Variants in FSTL4 observed in about 807,000 individuals in gnomAD.
FSTL4 encodes the protein follistatin like 4, also known as follistatin-related protein 4.
In FSTL4, 28 loss-of-function variants were observed where a neutral mutation model predicts 78.2. The ratio of observed to expected loss-of-function variants is 0.36; its 90% confidence interval spans 0.27 to 0.49. The LOEUF (loss-of-function observed/expected upper bound fraction) is 0.49, where lower values mean the gene tolerates loss of function less well. Among genes scored for constraint, FSTL4 ranks in the 20% least tolerant of loss-of-function variants. The pLI, the probability that FSTL4 is intolerant of heterozygous loss-of-function variation, is 0.98. For synonymous variants in FSTL4, 422 were observed against 440.5 expected, an observed-to-expected ratio of 0.96 and a Z score of 0.53; for missense variants, 922 against 1,084.9, an observed-to-expected ratio of 0.85 and a Z score of 2.11.
the FSTL4 span, among the ~76,000 whole-genome samples, chr5:133,644,862 G>C: frequency 6.6e-6 from 1 of 152,086 alleles, no homozygotes. Flanking sequence ...TACACCAGTA[G>C]ATCAGAGGCT....
chr5:133,223,554 C>A (rs1751228358), intron 11 of FSTL4, among the ~76,000 whole-genome samples: 1 of 152,108 alleles, frequency 6.6e-6, no homozygotes, highest in Non-Finnish European at 1.5e-5. Context: ...GGGCATGCAC[C>A]TGCACCCCAC....
intron 3 of FSTL4, among the ~76,000 whole-genome samples, chr5:133,455,977 T>C (rs1282528214): frequency 6.6e-6 from 1 of 152,228 alleles, no homozygotes; most frequent in Non-Finnish European, 1.5e-5. Flanking sequence ...CGCCGAATAC[T>C]TCTAGGTTCC....
intron 3 of FSTL4, among the ~76,000 whole-genome samples, chr5:133,445,786 T>G (rs1172688288): frequency 6.6e-6 from 1 of 152,074 alleles, no homozygotes; most frequent in African/African-American, 2.4e-5. Flanking sequence ...CAGAGAGAAA[T>G]TCTTGGGGAT....
intron 2 of FSTL4, among the ~76,000 whole-genome samples, chr5:133,569,150 T>C (rs1760095112): frequency 6.6e-6 from 1 of 152,212 alleles, no homozygotes; most frequent in African/African-American, 2.4e-5. Context: ...TTACTGTTTG[T>C]AATAGTTTTT....
chr5:133,293,224 G>A (rs889113669), intron 6 of FSTL4, among the ~76,000 whole-genome samples: 1 of 152,162 alleles, frequency 6.6e-6, no homozygotes, highest in African/African-American at 2.4e-5. Flanking sequence ...TCTCCCAACC[G>A]CCACCCCACG....
chr5:133,197,558 T>C lies in FSTL4; in HGVS notation c.*1537A>G, dbSNP rs1347137618. On this transcript the variant is annotated 3_prime_UTR_variant, in exon 16 of 16. Transcript: ENST00000265342. ...GCAGTCAGGCAGGAGTGAAAGGAGCTGTGTGTGTTGAGAGTGACACAGAGT... is the reference window on the plus strand; with the variant it reads ...GCAGTCAGGCAGGAGTGAAAGGAGCCGTGTGTGTTGAGAGTGACACAGAGT... 1 of 152,398 alleles carries C rather than the reference T, an allele frequency of 6.6e-6. No homozygotes were observed. The highest frequency in any genetic ancestry group is 1.5e-5 in the Non-Finnish European group (1 of 68,148). 9.4% of individuals were successfully genotyped at this position (152,398 alleles called of 1,614,324 possible).
At position 133,405,029 on chromosome 5, in the gene FSTL4, T is replaced by G. The variant is rs371984977; in HGVS notation, c.161-4043A>C. ...GCTGGCACGTTCTTCCCAACACAGC[T>G]TTTCTGTGTCTCAGACCTCATCTCC... On this transcript the variant is annotated intron_variant, in intron 3 of 15. Coordinates refer to ENST00000265342, the MANE Select transcript of FSTL4 (RefSeq NM_015082.2). Among the ~76,000 whole-genome samples, 38 of 152,338 alleles carry G rather than the reference T, an allele frequency of 2.5e-4. No individual in the cohort carries two copies. The East Asian group carries it at 4.6e-3, about 19-fold the overall frequency.
intron 4 of FSTL4, among the ~76,000 whole-genome samples, chr5:133,398,724 T>C (rs1298141328): frequency 6.6e-6 from 1 of 151,998 alleles, no homozygotes; most frequent in Non-Finnish European, 1.5e-5. Flanking sequence ...CATTTTACAG[T>C]CGAGGAAAAG....
the FSTL4 span, among the ~76,000 whole-genome samples, chr5:133,818,947 G>GATATATA: frequency 7.2e-5 from 1 of 13,978 alleles, no homozygotes; most frequent in Non-Finnish European, 1.9e-4. Flanking sequence ...ATATATATAT[G>GATATATA]TACACACACA....
the FSTL4 span, among the ~76,000 whole-genome samples, chr5:133,648,170 T>G: frequency 6.6e-6 from 1 of 152,216 alleles, no homozygotes; most frequent in Non-Finnish European, 1.5e-5. Context: ...GGAAATGGAC[T>G]AATACAGGAA....
At chr5:133,336,742 GTCTT>G (rs1384533767) in intron 4 of FSTL4, among the ~76,000 whole-genome samples, 1 of 152,164 alleles carries the variant, frequency 6.6e-6, no homozygotes, top group South Asian at 2.1e-4. Flanking sequence ...CTGTGTGCCT[GTCTT>G]TCTATTGAGC....
At chr5:133,656,619 C>T in the FSTL4 span, among the ~76,000 whole-genome samples, 3 of 152,160 alleles carry the variant, frequency 2.0e-5, no homozygotes, top group South Asian at 6.2e-4. Flanking sequence ...GCTTGGTGTG[C>T]TCAAGGAGCA....
intron 2 of FSTL4, among the ~76,000 whole-genome samples, chr5:133,598,049 T>A (rs1321195871): frequency 6.6e-6 from 1 of 152,114 alleles, no homozygotes; most frequent in African/African-American, 2.4e-5. Context: ...ACCAAGGTTG[T>A]TTAAGTTCAT....
rs543291988 is a variant in FSTL4, at chr5:133,382,076, C to T, written c.409+18662G>A. 5.9e-5 allele frequency among the ~76,000 whole-genome samples: 9 copies of T among 152,316 alleles called. No homozygotes were observed. In the East Asian group the frequency reaches 1.5e-3, roughly 26 times the overall value. Reference sequence around the variant, plus strand: ...CACTTCCTCCCGGTCATCTCAGAGCCCAGACCATGGTGGGCTCAGCAGGGT... The same window carrying T: ...CACTTCCTCCCGGTCATCTCAGAGCTCAGACCATGGTGGGCTCAGCAGGGT... On this transcript the variant is annotated intron_variant, in intron 4 of 15. Coordinates refer to ENST00000265342, the MANE Select transcript of FSTL4 (RefSeq NM_015082.2).
At chr5:133,811,734 C>T in the FSTL4 span, among the ~76,000 whole-genome samples, 1 of 152,198 alleles carries the variant, frequency 6.6e-6, no homozygotes, top group African/African-American at 2.4e-5. Flanking sequence ...CTCAGGTTTC[C>T]AGAACTCTGC....
rs185065651 is a variant in FSTL4 at position 133,362,389 on chromosome 5, T to C, written c.409+38349A>G. The stretch of plus-strand genomic sequence containing the variant: ...TACATGGGGTGTTATTAAATATTTG[T>C]TCTAAAAAGTCGGCACTGGATCTGA... On this transcript the variant is annotated intron_variant, in intron 4 of 15. Coordinates refer to ENST00000265342, the MANE Select transcript of FSTL4 (RefSeq NM_015082.2). 2.0e-5 allele frequency among the ~76,000 whole-genome samples: 3 copies of C among 152,386 alleles called. No homozygotes were observed. In the East Asian group the frequency reaches 5.8e-4, roughly 29 times the overall value.
chr5:133,668,797 T>C, the FSTL4 span, among the ~76,000 whole-genome samples: 2 of 152,120 alleles, frequency 1.3e-5, no homozygotes, highest in Non-Finnish European at 2.9e-5. Context: ...AGATCAGACG[T>C]CACCAAAACA....
At chr5:133,287,278 C>A (rs1753153783) in intron 6 of FSTL4, among the ~76,000 whole-genome samples, 1 of 151,582 alleles carries the variant, frequency 6.6e-6, no homozygotes, top group African/African-American at 2.4e-5. Flanking sequence ...GTCCCAGCTA[C>A]TCGGGAGGCT....
chr5:133,424,574 G>A (rs936893592), intron 3 of FSTL4, among the ~76,000 whole-genome samples: 1 of 152,166 alleles, frequency 6.6e-6, no homozygotes, highest in Non-Finnish European at 1.5e-5. Context: ...GTCCCACGGC[G>A]TCTCCAGGTT....
Sources: allele counts gnomAD v4.1 joint callset (sites outside exome capture counted in the v4.1 genomes callset), GRCh38; gene constraint gnomAD v4.1.1; transcripts MANE v1.5; gene names NCBI Gene and HGNC (gene_info 2026-07-23, HGNC 2026-07-21).